RYR2: variants seen among roughly 807,000 people sequenced by gnomAD.
RYR2 encodes cardiac muscle ryanodine receptor-calcium release channel.
RYR2 carries 227 observed loss-of-function variants against 601.1 expected under a neutral mutation model. That is an observed-to-expected ratio of 0.38 (90% CI 0.34 to 0.42). The LOEUF is 0.42. Ranked by LOEUF, RYR2 falls within the 10% of genes least tolerant of loss-of-function variation. The probability of loss-of-function intolerance (pLI) is 1.00; values close to 1 mark genes in which losing one functional copy is unlikely to be tolerated. For synonymous variants in RYR2, 2,223 were observed against 2,175.1 expected, an observed-to-expected ratio of 1.02 and a Z score of -0.61; for missense variants, 4,646 against 6,156.5, an observed-to-expected ratio of 0.75 and a Z score of 8.21.
chr1:237,764,397 G>A (rs1013534951), intron 84 of RYR2, among the ~76,000 whole-genome samples: 1 of 124,340 alleles, frequency 8.0e-6, no homozygotes, highest in Non-Finnish European at 1.6e-5. Context: ...ATTGCCTTAG[G>A]TAGCATTTTT....
At chr1:237,203,951 G>T (rs1293084174) in intron 1 of RYR2, among the ~76,000 whole-genome samples, 1 of 152,108 alleles carries the variant, frequency 6.6e-6, no homozygotes, top group Non-Finnish European at 1.5e-5. Flanking sequence ...TACAGTGTGG[G>T]CTCGTTTGTG....
At chr1:237,602,182 A>G (rs1676577272) in intron 35 of RYR2, 71 bp downstream of exon 35, 2 of 1,176,820 alleles carry the variant, frequency 1.7e-6, no homozygotes, top group Non-Finnish European at 2.5e-6. Flanking sequence ...TTATTCTGAA[A>G]TGAATTCAGT....
intron 5 of RYR2, among the ~76,000 whole-genome samples, 152 bp downstream of exon 5, chr1:237,364,524 C>G (rs938234799): frequency 4.0e-5 from 6 of 151,480 alleles, no homozygotes; most frequent in Admixed American, 6.6e-5. Flanking sequence ...ATATGTGGTA[C>G]TTTGTATGTT....
At chr1:237,641,994 T>C (rs1558124104) in intron 47 of RYR2, among the ~76,000 whole-genome samples, 1 of 152,092 alleles carries the variant, frequency 6.6e-6, no homozygotes. Flanking sequence ...AAAAAAATCC[T>C]GGCCCAGGGC....
rs1558952849 is a variant in RYR2 at position 237,515,811 on chromosome 1, C to CTCCCTCTTCTCT, written c.2822+4023_2822+4024insCTCTTCTCTTCC. On this transcript the variant is annotated intron_variant, in intron 24 of 104. Transcript: ENST00000366574. ...ACTTCCTCTTCTCCTCCTTCTCCTC[C>CTCCCTCTTCTCT]TCCTCCCTCTTCTCTTCCTCCCTCT... 1.1e-4 allele frequency among the ~76,000 whole-genome samples: 13 copies of CTCCCTCTTCTCT among 117,738 alleles called. No homozygotes were observed. The Admixed American group carries it at 1.1e-3, about 10-fold the overall frequency. The allele number at this position is 117,738 out of a possible 152,430, so 77.2% of individuals were successfully genotyped here. A position where few individuals can be genotyped will look rare whatever the true frequency, so the allele number is the denominator to read the frequency against.
chr1:237,301,767 C>T (rs1006632716), intron 2 of RYR2, among the ~76,000 whole-genome samples: 7 of 152,104 alleles, frequency 4.6e-5, no homozygotes, highest in African/African-American at 1.2e-4. Context: ...CCTCTTTATT[C>T]GCATGGTAGA....
chr1:237,829,003 GA>G (rs1663473220), intron 102 of RYR2, among the ~76,000 whole-genome samples: 1 of 152,132 alleles, frequency 6.6e-6, no homozygotes. Context: ...ATCACCACCT[GA>G]AATTATATAC....
At chr1:237,611,451 T>C (rs2148577834) in intron 36 of RYR2, among the ~76,000 whole-genome samples, 1 of 152,232 alleles carries the variant, frequency 6.6e-6, no homozygotes, top group South Asian at 2.1e-4. Context: ...ATTGGGAAAA[T>C]ACTGGGAGTG....
chr1:237,468,517 T>C (rs1660328546), intron 16 of RYR2, among the ~76,000 whole-genome samples: 1 of 152,198 alleles, frequency 6.6e-6, no homozygotes, highest in South Asian at 2.1e-4. Flanking sequence ...TGTGAATCTC[T>C]AAATCCACGG....
At chr1:237,536,654 G>A (rs1421257551) in intron 25 of RYR2, among the ~76,000 whole-genome samples, 1 of 147,440 alleles carries the variant, frequency 6.8e-6, no homozygotes, top group African/African-American at 2.5e-5. Flanking sequence ...GGCGGAGGTT[G>A]CAGTGAGCCG....
At chr1:237,137,071 G>A (rs1020479341) in intron 1 of RYR2, among the ~76,000 whole-genome samples, 1 of 149,816 alleles carries the variant, frequency 6.7e-6, no homozygotes, top group Non-Finnish European at 1.5e-5. Context: ...GATTCCCGTA[G>A]CCAGTGGCTC....
chr1:237,189,621 C>T (rs912685267), intron 1 of RYR2, among the ~76,000 whole-genome samples: 9 of 152,136 alleles, frequency 5.9e-5, no homozygotes, highest in Non-Finnish European at 1.0e-4. Context: ...GAAGACACAA[C>T]GTAAAGGTGG....
At chr1:237,435,949 A>G (rs959343602) in intron 12 of RYR2, among the ~76,000 whole-genome samples, 1 of 152,168 alleles carries the variant, frequency 6.6e-6, no homozygotes, top group Admixed American at 6.5e-5. Flanking sequence ...GGCCAGGATG[A>G]TTATGATCAG....
intron 100 of RYR2, among the ~76,000 whole-genome samples, chr1:237,810,773 A>G (rs984041623): frequency 1.3e-5 from 2 of 152,102 alleles, no homozygotes; most frequent in African/African-American, 4.8e-5. Flanking sequence ...AAAATGAGAG[A>G]AATTCATGTA....
chr1:237,290,443 G>A (rs1692073751), intron 2 of RYR2, among the ~76,000 whole-genome samples: 2 of 152,132 alleles, frequency 1.3e-5, no homozygotes, highest in South Asian at 4.1e-4. Context: ...TTGTGGTGAT[G>A]ATTAGATGAT....
chr1:237,583,843 C>T (rs1040813266), intron 29 of RYR2, among the ~76,000 whole-genome samples: 26 of 152,186 alleles, frequency 1.7e-4, no homozygotes, highest in African/African-American at 5.5e-4. Flanking sequence ...TTTGCATGCT[C>T]ATCACCCTCC....
rs1678652576 is a variant in RYR2, at chr1:237,180,781, A to G, written c.49-89716A>G. Among the ~76,000 whole-genome samples the G allele has an allele frequency of 6.8e-6, 1 of 147,968 alleles. No individual in the cohort carries two copies. Among genetic ancestry groups the G allele is most frequent in the South Asian group, 2.1e-4 (1 of 4,794 alleles). On this transcript the variant is annotated intron_variant, in intron 1 of 104. Coordinates refer to ENST00000366574, the MANE Select transcript of RYR2 (RefSeq NM_001035.3). This position sits in a 1 kb window ranked among gnomAD's most constrained non-coding sequence, Gnocchi z 5.3. ...AATATGTTAATAGTAATATGCTAAC[A>G]TGAATTATACCAATTATATAATAAT... is the stretch of plus-strand genomic sequence containing the variant.
intron 1 of RYR2, among the ~76,000 whole-genome samples, chr1:237,208,974 A>ATATATG (rs1682201533): frequency 1.0e-5 from 1 of 96,098 alleles, no homozygotes; most frequent in African/African-American, 3.4e-5. Context: ...ATATATATAT[A>ATATATG]TATATATATA....
intron 1 of RYR2, among the ~76,000 whole-genome samples, chr1:237,113,081 T>C (rs1387235734): frequency 6.6e-6 from 1 of 152,174 alleles, no homozygotes; most frequent in Non-Finnish European, 1.5e-5. Context: ...CCCAGCTCTT[T>C]AGCCAAAAAT....
Sources: gnomAD v4.1 joint callset for allele counts (sites outside exome capture counted in the v4.1 genomes callset) on GRCh38, gnomAD v4.1.1 for gene constraint, Gnocchi (gnomAD v3.1) non-coding constraint, MANE v1.5 for transcripts, NCBI Gene and HGNC (gene_info 2026-07-23, HGNC 2026-07-21) for gene names.